RNPEPL1: variants seen among roughly 807,000 people sequenced by gnomAD.
The protein encoded by RNPEPL1 is arginyl aminopeptidase like 1.
RNPEPL1 carries 46 observed loss-of-function variants against 69.0 expected under a neutral mutation model. The observed-to-expected ratio is 0.67, with a 90% CI of 0.53 to 0.85. The LOEUF is 0.85. RNPEPL1 is among the 40% of genes least tolerant of loss of function. RNPEPL1 has a pLI of 0.00. For synonymous variants in RNPEPL1, 525 were observed against 454.1 expected (o/e 1.16, Z -1.98); for missense variants, 869 against 992.5 (o/e 0.88, Z 1.67).
intron 2 of RNPEPL1, 140 bp from the exon 3 acceptor site, chr2:240,572,970 A>G (rs1343204450): frequency 2.0e-6 from 2 of 1,020,864 alleles, no homozygotes; most frequent in East Asian, 2.7e-5. Context: ...CTTCGGAGAG[A>G]AGTTCTCTGA....
Position 240,580,114 on chromosome 2 carries a change from C to G in RNPEPL1, c.*2222C>G, listed in dbSNP as rs1333627924. On this transcript the variant is annotated 3_prime_UTR_variant, in exon 11 of 11. Transcript: ENST00000270357. ...CGTGGGGTACACAGGAGGGCTCTTT[C>G]AGCCCTAAGTCCTTGTGTTCCTGAC... 1 of 152,284 alleles carries G rather than the reference C, an allele frequency of 6.6e-6. No homozygotes were observed. The highest frequency in any genetic ancestry group is 1.5e-5 in the Non-Finnish European group (1 of 68,096). The allele number at this position is 152,284 out of a possible 1,614,324, so 9.4% of individuals were successfully genotyped here.
rs1313984559 is a variant in RNPEPL1 at position 240,576,915 on chromosome 2, C to T, written c.1809C>T (p.Ile603=). 16 of 1,613,402 alleles carry T rather than the reference C, an allele frequency of 9.9e-6. No homozygotes were observed. The highest frequency in any genetic ancestry group is 1.3e-5 in the African/African-American group (1 of 74,932). Residue 603 remains isoleucine, a synonymous_variant, in exon 10 of 11, where the codon ATC becomes ATT. Coordinates refer to ENST00000270357, the MANE Select transcript of RNPEPL1 (RefSeq NM_018226.6). ...ACTCGATGAACGCTGAGATCCGCAT[C>T]CGCTGGCTGCAGATTGTGGTCCGCA... ...LLDSMNAEIR[I]RWLQIVVRND... is the part of the protein sequence containing the mutation.
At position 240,576,831 on chromosome 2, in the gene RNPEPL1, T is replaced by C. The variant is rs1575439062; in HGVS notation, c.1742-17T>C. 6.2e-7 allele frequency: 1 copy of C among 1,612,918 alleles called. No homozygotes were observed. Among genetic ancestry groups the C allele is most frequent in the East Asian group, 2.2e-5 (1 of 44,860 alleles). ...GTGCAACAGCGGCCCAGCCCTGACC[T>C]GCCCCCTGCGCTGCAGAGGTGGTGA... On this transcript the variant is annotated splice_polypyrimidine_tract_variant and intron_variant, in intron 9 of 10. Transcript: ENST00000270357.
rs2093046756 is a variant in RNPEPL1 at position 240,579,242 on chromosome 2, G to C, written c.*1350G>C. 6.6e-6 allele frequency: 1 copy of C among 152,216 alleles called. No homozygotes were observed. Among genetic ancestry groups the C allele is most frequent in the South Asian group, 2.1e-4 (1 of 4,830 alleles). 9.4% of individuals were successfully genotyped at this position (152,216 alleles called of 1,614,324 possible). On this transcript the variant is annotated 3_prime_UTR_variant, in exon 11 of 11. Coordinates refer to ENST00000270357, the MANE Select transcript of RNPEPL1 (RefSeq NM_018226.6). ...AGCCCCACTCCACACATGGCAGCCAGGAAGTGGGGAGGGCAGGAGGTGCTG... is the reference window on the plus strand; with the variant it reads ...AGCCCCACTCCACACATGGCAGCCACGAAGTGGGGAGGGCAGGAGGTGCTG...
intron 2 of RNPEPL1, 47 bp downstream of exon 2, chr2:240,572,610 T>C (rs1236946508): frequency 1.3e-6 from 2 of 1,533,334 alleles, no homozygotes; most frequent in African/African-American, 2.7e-5. Flanking sequence ...GACAGCCCAG[T>C]GGCCTGGCCA....
In RNPEPL1 at chr2:240,569,012, C is replaced by G. The variant is rs2093013321; in HGVS notation, c.426C>G (p.Phe142Leu). 1 of 1,508,482 alleles carries G rather than the reference C, an allele frequency of 6.6e-7. No individual in the cohort carries two copies. The highest frequency in any genetic ancestry group is 8.8e-7 in the Non-Finnish European group (1 of 1,136,168). The allele number at this position is 1,508,482 out of a possible 1,614,324, so 93.4% of individuals were successfully genotyped here. Residue 142 changes from phenylalanine to leucine, a missense_variant, in exon 1 of 11, where the codon TTC (phenylalanine) becomes TTG (leucine). Coordinates refer to ENST00000270357, the MANE Select transcript of RNPEPL1 (RefSeq NM_018226.6). Reference protein sequence around the residue: ...CCPLAFRVDPFTDYGSSLTVT... With the variant: ...CCPLAFRVDPLTDYGSSLTVT... The stretch of plus-strand genomic sequence containing the variant: ...CGCTGGCCTTCAGGGTGGACCCGTT[C>G]ACCGACTACGGCTCCTCGCTCACCG...
rs2093026954 is a variant in RNPEPL1, at chr2:240,573,133, G to C, written c.693G>C (p.Leu231=). The C allele has an allele frequency of 3.7e-6, 6 of 1,609,844 alleles. No homozygotes were observed. The highest frequency in any genetic ancestry group is 4.2e-6 in the Non-Finnish European group (5 of 1,178,740). ...AGGCGCCATCGGGGGTGCAGGTGCTGATGAGTGCCACCCGGAGTGCATACA... is the reference window on the plus strand; with the variant it reads ...AGGCGCCATCGGGGGTGCAGGTGCTCATGAGTGCCACCCGGAGTGCATACA... ...VVKAPSGVQV[L]MSATRSAYME... is the part of the protein sequence containing the mutation. The change falls in exon 3 of 11, where the codon CTG becomes CTC. Residue 231 remains leucine, a synonymous_variant. Coordinates refer to ENST00000270357, the MANE Select transcript of RNPEPL1 (RefSeq NM_018226.6).
intron 10 of RNPEPL1, 123 bp from the exon 11 acceptor site, chr2:240,577,476 C>G: frequency 8.8e-7 from 1 of 1,133,604 alleles, no homozygotes; most frequent in Non-Finnish European, 1.3e-6. Context: ...GGAGTCCAGG[C>G]CACAGCCCTA....
chr2:240,569,369 T>C (rs559648977), intron 1 of RNPEPL1, among the ~76,000 whole-genome samples: 1 of 152,274 alleles, frequency 6.6e-6, no homozygotes, highest in South Asian at 2.1e-4. Context: ...CCTGGGGACA[T>C]GAGCAGCTTC....
In RNPEPL1 at chr2:240,568,991, G is replaced by A; in HGVS notation, c.405G>A (p.Leu135=). The A allele has an allele frequency of 2.0e-6, 3 of 1,486,956 alleles. No homozygotes were observed. The highest frequency in any genetic ancestry group is 2.7e-6 in the Non-Finnish European group (3 of 1,125,232). 92.1% of individuals were successfully genotyped at this position (1,486,956 alleles called of 1,614,324 possible). A position where few individuals can be genotyped will look rare whatever the true frequency, so the allele number is the denominator to read the frequency against. ...APGSEPACCP[L]AFRVDPFTDY... is the part of the protein sequence containing the mutation. ...GCTCCGAGCCCGCCTGCTGTCCGCT[G>A]GCCTTCAGGGTGGACCCGTTCACCG... Residue 135 remains leucine (L), a synonymous_variant, in exon 1 of 11, where the codon CTG becomes CTA. Transcript: ENST00000270357. This position sits in a 1 kb window ranked among gnomAD's most constrained non-coding sequence, Gnocchi z 6.2.
intron 3 of RNPEPL1, 83 bp downstream of exon 3, chr2:240,573,344 C>A (rs1171546555): frequency 5.6e-6 from 8 of 1,434,898 alleles, no homozygotes; most frequent in African/African-American, 1.4e-5. Flanking sequence ...GTGTCCACGG[C>A]TGCCCTGCTG....
At position 240,568,759 on chromosome 2, in the gene RNPEPL1, C is replaced by T. The variant is rs1374287916; in HGVS notation, c.173C>T (p.Ala58Val). The stretch of plus-strand genomic sequence containing the variant: ...CTGCGGCCCGAGGCGCGCGAGTTGG[C>T]CGGCTGCCTGGTGCTCGAGCTGTGC... ...LELRPEAREL[A>V]GCLVLELCAL... The change falls in exon 1 of 11, where the codon GCC becomes GTC. Residue 58 changes from alanine to valine, a missense_variant. By Grantham distance (64) the Ala-to-Val change is moderately conservative. Coordinates refer to ENST00000270357, the MANE Select transcript of RNPEPL1 (RefSeq NM_018226.6). The surrounding 1 kb of genome is among the most constrained non-coding windows in gnomAD (Gnocchi z 6.2). The T allele has an allele frequency of 4.7e-6, 5 of 1,067,532 alleles. No homozygotes were observed. In the Admixed American group the frequency reaches 1.7e-4, roughly 35 times the overall value. 66.1% of individuals were successfully genotyped at this position (1,067,532 alleles called of 1,614,324 possible).
intron 7 of RNPEPL1, 99 bp from the exon 8 acceptor site, chr2:240,575,403 G>A (rs527930470): frequency 4.1e-5 from 43 of 1,045,632 alleles, no homozygotes; most frequent in African/African-American, 1.1e-4. Context: ...TGCCCAGCAC[G>A]TACCTTGGCG....
chr2:240,575,167 G>T, intron 7 of RNPEPL1, 25 bp downstream of exon 7: 2 of 1,578,762 alleles, frequency 1.3e-6, no homozygotes, highest in South Asian at 2.2e-5. Flanking sequence ...GCCCGGGACG[G>T]CCCTGCTGCC....
At chr2:240,573,708 G>A in intron 3 of RNPEPL1, 67 bp from the exon 4 acceptor site, 1 of 1,336,726 alleles carries the variant, frequency 7.5e-7, no homozygotes. Context: ...AGGGCAGTGG[G>A]AGAGCCTGGT....
chr2:240,568,987 C>A lies in RNPEPL1; in HGVS notation c.401C>A (p.Pro134Gln). The A allele has an allele frequency of 6.7e-7, 1 of 1,485,338 alleles. No homozygotes were observed. Among genetic ancestry groups the A allele is most frequent in the Non-Finnish European group, 8.9e-7 (1 of 1,124,288 alleles). 92.0% of individuals were successfully genotyped at this position (1,485,338 alleles called of 1,614,324 possible). ...EAPGSEPACC[P>Q]LAFRVDPFTD... Reference sequence around the variant, plus strand: ...CCCGGCTCCGAGCCCGCCTGCTGTCCGCTGGCCTTCAGGGTGGACCCGTTC... The same window carrying A: ...CCCGGCTCCGAGCCCGCCTGCTGTCAGCTGGCCTTCAGGGTGGACCCGTTC... The change falls in exon 1 of 11, where the codon CCG becomes CAG. Residue 134 changes from proline (P) to glutamine (Q), a missense_variant. Coordinates refer to ENST00000270357, the MANE Select transcript of RNPEPL1 (RefSeq NM_018226.6). This position sits in a 1 kb window ranked among gnomAD's most constrained non-coding sequence, Gnocchi z 6.2.
At chr2:240,570,986 G>T (rs546141184) in intron 1 of RNPEPL1, among the ~76,000 whole-genome samples, 11 of 152,308 alleles carry the variant, frequency 7.2e-5, no homozygotes, top group African/African-American at 2.6e-4. Flanking sequence ...GCCTCAGGAG[G>T]GTGAGGCAAG....
intron 2 of RNPEPL1, 140 bp downstream of exon 2, chr2:240,572,703 C>T (rs1195944888): frequency 5.2e-6 from 6 of 1,143,896 alleles, no homozygotes; most frequent in Non-Finnish European, 7.3e-6. Context: ...GCCCACCCTC[C>T]CTACTCTATG....
Position 240,568,717 on chromosome 2 carries a change from T to G in RNPEPL1, c.131T>G (p.Leu44Arg). ...GCGCAGCTCTTCCGCCTCCGCCACC[T>G]GCAGCTGGGCCTGGAGCTGCGGCCC... Reference protein sequence around the residue: ...SSAQLFRLRHLQLGLELRPEA... With the variant: ...SSAQLFRLRHRQLGLELRPEA... The change falls in exon 1 of 11, where the codon CTG becomes CGG. Residue 44 changes from leucine to arginine, a missense_variant. Physicochemically the swap from Leu to Arg is moderately radical, Grantham distance 102. Around this residue, in one of 2 missense-constraint regions of RNPEPL1, gnomAD observed 259 missense variants for 201.5 expected, o/e 1.29. Coordinates refer to ENST00000270357, the MANE Select transcript of RNPEPL1 (RefSeq NM_018226.6). The surrounding 1 kb of genome is among the most constrained non-coding windows in gnomAD (Gnocchi z 6.2). The G allele has an allele frequency of 9.3e-7, 1 of 1,073,214 alleles. No individual in the cohort carries two copies. Among genetic ancestry groups the G allele is most frequent in the Non-Finnish European group, 1.1e-6 (1 of 880,872 alleles). 66.5% of individuals were successfully genotyped at this position (1,073,214 alleles called of 1,614,324 possible). A position where few individuals can be genotyped will look rare whatever the true frequency, so the allele number is the denominator to read the frequency against.
Sources: allele counts gnomAD v4.1 joint callset (sites outside exome capture counted in the v4.1 genomes callset), GRCh38; gene constraint gnomAD v4.1.1; regional missense constraint gnomAD v4.1.1; non-coding constraint Gnocchi (gnomAD v3.1); transcripts MANE v1.5; gene names NCBI Gene and HGNC (gene_info 2026-07-23, HGNC 2026-07-21).